Variants in TBC1D5 observed in about 807,000 individuals in gnomAD.
TBC1D5 encodes TBC1 domain family, member 5.
In TBC1D5, 75 loss-of-function variants were observed where a neutral mutation model predicts 100.3. The observed-to-expected ratio is 0.75, with a 90% CI of 0.62 to 0.91. The LOEUF is 0.91. Among genes scored for constraint, TBC1D5 ranks in the 40% least tolerant of loss-of-function variants. The probability of loss-of-function intolerance (pLI) is 0.00; values close to 1 mark genes in which losing one functional copy is unlikely to be tolerated. For synonymous variants in TBC1D5, 323 were observed against 325.6 expected, an observed-to-expected ratio of 0.99 and a Z score of 0.09; for missense variants, 910 against 942.4, an observed-to-expected ratio of 0.97 and a Z score of 0.45.
At chr3:17,246,255 A>T (rs185139771) in intron 16 of TBC1D5, among the ~76,000 whole-genome samples, 1 of 152,314 alleles carries the variant, frequency 6.6e-6, no homozygotes, top group East Asian at 1.9e-4. Flanking sequence ...AAAAAACTAT[A>T]AAACACTGCT....
chr3:17,316,345 T>C (rs2084696043), intron 13 of TBC1D5, among the ~76,000 whole-genome samples: 1 of 152,218 alleles, frequency 6.6e-6, no homozygotes, highest in Admixed American at 6.5e-5. Context: ...ACAGTGAAAC[T>C]GAGATTCCAT....
At chr3:17,292,029 T>G in intron 14 of TBC1D5, 28 bp from the exon 15 acceptor site, 1 of 1,564,050 alleles carries the variant, frequency 6.4e-7, no homozygotes, top group Non-Finnish European at 8.8e-7. Context: ...ATAATTCAGA[T>G]GCAATACTAT....
intron 8 of TBC1D5, among the ~76,000 whole-genome samples, chr3:17,394,726 T>C (rs970568064): frequency 3.3e-5 from 5 of 152,136 alleles, no homozygotes; most frequent in African/African-American, 1.2e-4. Flanking sequence ...TCTCAAGTAG[T>C]ATTTGCTGAA....
intron 14 of TBC1D5, among the ~76,000 whole-genome samples, chr3:17,303,691 A>G (rs138162933): frequency 2.0e-5 from 3 of 152,076 alleles, no homozygotes; most frequent in African/African-American, 7.2e-5. Flanking sequence ...GATATATTCA[A>G]TTTTCCCTAA....
intron 14 of TBC1D5, among the ~76,000 whole-genome samples, chr3:17,299,850 C>A (rs1164726265): frequency 9.2e-6 from 1 of 108,416 alleles, no homozygotes; most frequent in Non-Finnish European, 1.7e-5. Context: ...CAGAGCGAGA[C>A]TCCGTCTCAA....
chr3:17,288,656 G>A (rs2081403091), intron 15 of TBC1D5, among the ~76,000 whole-genome samples: 1 of 152,136 alleles, frequency 6.6e-6, no homozygotes, highest in East Asian at 1.9e-4. Flanking sequence ...GCCACATGGA[G>A]AGAAACCACC....
chr3:17,498,395 C>A (rs1188795420), intron 3 of TBC1D5, among the ~76,000 whole-genome samples: 1 of 151,892 alleles, frequency 6.6e-6, no homozygotes, highest in African/African-American at 2.4e-5. Context: ...AAGTTAAGAA[C>A]AAAAAATATT....
At chr3:17,179,212 TA>T (rs2068162405) in intron 19 of TBC1D5, among the ~76,000 whole-genome samples, 2 of 152,232 alleles carry the variant, frequency 1.3e-5, no homozygotes, top group African/African-American at 4.8e-5. Context: ...TTAAAATTCT[TA>T]AAAATAATCA....
chr3:17,613,368 T>C (rs1259152101), intron 2 of TBC1D5, among the ~76,000 whole-genome samples: 1 of 152,198 alleles, frequency 6.6e-6, no homozygotes, highest in African/African-American at 2.4e-5. Context: ...TTCTTTATAG[T>C]AGCATGATTA....
At chr3:17,657,360 A>T (rs1377674317) in intron 1 of TBC1D5, among the ~76,000 whole-genome samples, 1 of 138,366 alleles carries the variant, frequency 7.2e-6, no homozygotes, top group Non-Finnish European at 1.5e-5. Context: ...GCGGGGGGAC[A>T]GAGTCTCACT....
chr3:17,276,148 G>C (rs1404998393), intron 15 of TBC1D5, among the ~76,000 whole-genome samples: 1 of 152,118 alleles, frequency 6.6e-6, no homozygotes, highest in Non-Finnish European at 1.5e-5. Context: ...AGCAGAGCTG[G>C]TGTCTGGTAA....
chr3:17,596,315 CTTTTTTTT>C (rs397874911), intron 2 of TBC1D5, among the ~76,000 whole-genome samples: 3 of 126,010 alleles, frequency 2.4e-5, no homozygotes, highest in Non-Finnish European at 5.0e-5. Context: ...TCCAGCTTTC[CTTTTTTTT>C]TTTTTTTTTT....
At chr3:17,395,728 T>TA (rs2093485392) in intron 8 of TBC1D5, among the ~76,000 whole-genome samples, 1 of 152,162 alleles carries the variant, frequency 6.6e-6, no homozygotes, top group South Asian at 2.1e-4. Context: ...CTACTGCTCC[T>TA]AAATTCCGAA....
chr3:17,705,559 C>T (rs1323723482), intron 1 of TBC1D5, among the ~76,000 whole-genome samples: 4 of 144,656 alleles, frequency 2.8e-5, no homozygotes, highest in Admixed American at 1.4e-4. Flanking sequence ...ACGCTCCTCA[C>T]CTCCCAGACG....
chr3:17,562,060 C>T (rs2096562540), intron 2 of TBC1D5: 2 of 152,018 alleles, frequency 1.3e-5, no homozygotes, highest in Admixed American at 1.3e-4. Context: ...GGGAGGATCC[C>T]CTGAGTCCTT....
intron 3 of TBC1D5, among the ~76,000 whole-genome samples, chr3:17,505,568 C>T (rs984926473): frequency 6.6e-6 from 1 of 152,092 alleles, no homozygotes; most frequent in African/African-American, 2.4e-5. Flanking sequence ...TGATGACATT[C>T]CAATCTCTTA....
intron 2 of TBC1D5, among the ~76,000 whole-genome samples, chr3:17,566,029 C>T (rs1261810554): frequency 6.6e-6 from 1 of 151,926 alleles, no homozygotes; most frequent in African/African-American, 2.4e-5. Flanking sequence ...ATTAAAGTGA[C>T]AATTTCCTCA....
chr3:17,225,100 A>G (rs1321955131), intron 17 of TBC1D5, among the ~76,000 whole-genome samples: 1 of 152,186 alleles, frequency 6.6e-6, no homozygotes, highest in Admixed American at 6.5e-5. Flanking sequence ...TCCATGTTCC[A>G]CACCTGGATA....
At chr3:17,504,382 A>G (rs964408865) in intron 3 of TBC1D5, among the ~76,000 whole-genome samples, 4 of 151,646 alleles carry the variant, frequency 2.6e-5, no homozygotes, top group Admixed American at 1.3e-4. Context: ...ACATGTATAC[A>G]TATGTAACTA....
Sources: allele counts gnomAD v4.1 joint callset (sites outside exome capture counted in the v4.1 genomes callset), GRCh38; gene constraint gnomAD v4.1.1; transcripts MANE v1.5; gene names NCBI Gene and HGNC (gene_info 2026-07-23, HGNC 2026-07-21).